PRKN: variants seen among roughly 807,000 people sequenced by gnomAD.
The protein encoded by PRKN is parkin RBR E3 ubiquitin protein ligase, also known as E3 ubiquitin-protein ligase parkin.
A neutral mutation model predicts 59.5 loss-of-function variants in PRKN; 56 were observed. That is an observed-to-expected ratio of 0.94 (90% confidence interval 0.76 to 1.18). The LOEUF (loss-of-function observed/expected upper bound fraction) is 1.18, where lower values mean the gene tolerates loss of function less well. Ranked by LOEUF, PRKN falls within the 50% of genes most tolerant of loss-of-function variation. The pLI, the probability that PRKN is intolerant of heterozygous loss-of-function variation, is 0.00. For missense variants in PRKN, 657 were observed against 596.4 expected (o/e 1.10, Z -1.06); for synonymous variants, 250 against 222.1 (o/e 1.13, Z -1.12).
intron 6 of PRKN, among the ~76,000 whole-genome samples, chr6:161,921,199 C>T (rs982039480): frequency 1.3e-5 from 2 of 152,068 alleles, no homozygotes; most frequent in Non-Finnish European, 2.9e-5. Flanking sequence ...CACTGACACA[C>T]ACATTAGCCT....
intron 1 of PRKN, among the ~76,000 whole-genome samples, chr6:162,576,453 G>T (rs571813965): frequency 6.6e-6 from 1 of 152,186 alleles, no homozygotes; most frequent in Non-Finnish European, 1.5e-5. Context: ...ATTACCCAGT[G>T]TTGAACATTC....
Position 162,242,767 on chromosome 6 carries a change from T to C in PRKN, c.412+19758A>G, listed in dbSNP as rs569075670. 2.0e-5 allele frequency among the ~76,000 whole-genome samples: 3 copies of C among 152,260 alleles called. No homozygotes were observed. The East Asian group carries it at 5.8e-4, about 29-fold the overall frequency. ...CACCTACAGAGAGGCAGCTCCTCTT[T>C]GCCCCAACATATTTAGTTTCTGGAC... On this transcript the variant is annotated intron_variant, in intron 3 of 11. Transcript: ENST00000366898.
intron 2 of PRKN, among the ~76,000 whole-genome samples, chr6:162,397,467 T>C (rs1787533446): frequency 6.6e-6 from 1 of 152,000 alleles, no homozygotes; most frequent in South Asian, 2.1e-4. Context: ...ATCTTCTATA[T>C]GCACACGGCT....
intron 4 of PRKN, among the ~76,000 whole-genome samples, chr6:162,128,412 G>A (rs1405721661): frequency 6.6e-6 from 1 of 152,106 alleles, no homozygotes; most frequent in Non-Finnish European, 1.5e-5. Context: ...CAAAGCATTG[G>A]ATTTTTATGG....
At chr6:162,570,347 T>C (rs1467377092) in intron 1 of PRKN, among the ~76,000 whole-genome samples, 2 of 152,188 alleles carry the variant, frequency 1.3e-5, no homozygotes, top group African/African-American at 4.8e-5. Flanking sequence ...AACCCTCATA[T>C]ACTGTTGGTG....
intron 6 of PRKN, among the ~76,000 whole-genome samples, chr6:161,956,043 T>A (rs1304934164): frequency 6.6e-6 from 1 of 152,136 alleles, no homozygotes; most frequent in Non-Finnish European, 1.5e-5. Context: ...ACCTACAATA[T>A]CCCCCTTTCA....
In PRKN at chr6:162,504,144, A is replaced by G. The variant is rs139421482; in HGVS notation, c.8-60671T>C. On this transcript the variant is annotated intron_variant, in intron 1 of 11. Transcript: ENST00000366898. ...GAAACTCCAGGGGTTGGAAAGGCAGAGGGAAGGCCAACCCGGAGTGGTGAG... is the reference window on the plus strand; with the variant it reads ...GAAACTCCAGGGGTTGGAAAGGCAGGGGGAAGGCCAACCCGGAGTGGTGAG... 3.3e-4 allele frequency among the ~76,000 whole-genome samples: 50 copies of G among 152,270 alleles called. 1 individual carries two copies. In the East Asian group the frequency reaches 3.5e-3, roughly 11 times the overall value.
At chr6:162,651,772 T>C (rs1778444905) in intron 1 of PRKN, among the ~76,000 whole-genome samples, 1 of 152,162 alleles carries the variant, frequency 6.6e-6, no homozygotes, top group Non-Finnish European at 1.5e-5. Context: ...TGCTGACATA[T>C]GTGAAAAGTG....
intron 1 of PRKN, among the ~76,000 whole-genome samples, chr6:162,717,897 G>A (rs1011732896): frequency 2.0e-5 from 3 of 152,158 alleles, no homozygotes; most frequent in Non-Finnish European, 2.9e-5. Context: ...TTGTCCTGAA[G>A]ATTGTGTTTA....
At chr6:162,340,981 A>C (rs1239464944) in intron 2 of PRKN, among the ~76,000 whole-genome samples, 1 of 152,206 alleles carries the variant, frequency 6.6e-6, no homozygotes, top group African/African-American at 2.4e-5. Flanking sequence ...GTCAACAGGC[A>C]ACCTAAAGAA....
At position 161,687,343 on chromosome 6, in the gene PRKN, C is replaced by T. The variant is rs1331400528; in HGVS notation, c.871+98429G>A. ...GGTGGAGGTTGCAGTGAGCCGAGAT[C>T]GCACCACTGCATTCCAGCCTGGGAG... On this transcript the variant is annotated intron_variant, in intron 7 of 11. Coordinates refer to ENST00000366898, the MANE Select transcript of PRKN (RefSeq NM_004562.3). Among the ~76,000 whole-genome samples the T allele has an allele frequency of 4.8e-5, 6 of 124,648 alleles. No homozygotes were observed. The East Asian group carries it at 7.1e-4, about 15-fold the overall frequency. 81.8% of individuals were successfully genotyped at this position (124,648 alleles called of 152,430 possible). A position where few individuals can be genotyped will look rare whatever the true frequency, so the allele number is the denominator to read the frequency against.
At chr6:161,868,503 C>T (rs1794214919) in intron 6 of PRKN, among the ~76,000 whole-genome samples, 1 of 152,086 alleles carries the variant, frequency 6.6e-6, no homozygotes, top group African/African-American at 2.4e-5. Flanking sequence ...ATCACTTAAA[C>T]CCAGGAGGCA....
intron 3 of PRKN, among the ~76,000 whole-genome samples, chr6:162,207,624 C>T (rs1785007488): frequency 6.6e-6 from 1 of 152,150 alleles, no homozygotes; most frequent in South Asian, 2.1e-4. Flanking sequence ...TGTGAGTGGA[C>T]CACTCTCTTC....
At chr6:162,305,115 G>A (rs1289302801) in intron 2 of PRKN, among the ~76,000 whole-genome samples, 2 of 152,118 alleles carry the variant, frequency 1.3e-5, no homozygotes, top group Non-Finnish European at 2.9e-5. Context: ...GGGAGCAGAA[G>A]TGGAAAGTGC....
chr6:162,236,876 G>A (rs1404321941), intron 3 of PRKN, among the ~76,000 whole-genome samples: 1 of 150,728 alleles, frequency 6.6e-6, no homozygotes, highest in Non-Finnish European at 1.5e-5. Context: ...GAGAAAGAAT[G>A]GGAGAGAGAG....
intron 2 of PRKN, among the ~76,000 whole-genome samples, chr6:162,434,956 T>G (rs1321749722): frequency 6.6e-6 from 1 of 152,212 alleles, no homozygotes; most frequent in African/African-American, 2.4e-5. Context: ...CTTTTGGGTG[T>G]ATAGACACAA....
At chr6:162,270,690 T>C (rs957054246) in intron 2 of PRKN, 9 of 152,242 alleles carry the variant, frequency 5.9e-5, no homozygotes, top group Non-Finnish European at 1.3e-4. Flanking sequence ...TGTTAACAGA[T>C]TCTAATGTTA....
chr6:161,517,154 A>T lies in PRKN; in HGVS notation c.1083+31700T>A, dbSNP rs1249643745. Among the ~76,000 whole-genome samples the T allele has an allele frequency of 2.0e-5, 3 of 152,246 alleles. No homozygotes were observed. In the East Asian group the frequency reaches 5.8e-4, roughly 30 times the overall value. On this transcript the variant is annotated intron_variant, in intron 9 of 11. Transcript: ENST00000366898. ...AACATGGAAGCAAAATGAGTAGATG[A>T]CTTCTTTTATCTGGGAAGCACATTT...
In PRKN at chr6:161,363,256, G is replaced by C. The variant is rs1249869745; in HGVS notation, c.1168-3051C>G. 1.3e-5 allele frequency among the ~76,000 whole-genome samples: 2 copies of C among 152,030 alleles called. No individual in the cohort carries two copies. Among genetic ancestry groups the C allele is most frequent in the Non-Finnish European group, 1.5e-5 (1 of 68,012 alleles). ...GACTCTGTCTCAAAAAAACTTAACT[G>C]AGTATAAACTAAATATGTTTGTTAT... On this transcript the variant is annotated intron_variant, in intron 10 of 11. Transcript: ENST00000366898. The surrounding 1 kb of genome is among the most constrained non-coding windows in gnomAD (Gnocchi z 4.1).
Sources: allele counts gnomAD v4.1 joint callset (sites outside exome capture counted in the v4.1 genomes callset), GRCh38; gene constraint gnomAD v4.1.1; non-coding constraint Gnocchi (gnomAD v3.1); transcripts MANE v1.5; gene names NCBI Gene and HGNC (gene_info 2026-07-23, HGNC 2026-07-21).